KATNB1: variants seen among roughly 807,000 people sequenced by gnomAD.
The protein encoded by KATNB1 is katanin p80 WD40 repeat-containing subunit B1.
A neutral mutation model predicts 82.3 loss-of-function variants in KATNB1; 38 were observed. That is an observed-to-expected ratio of 0.46 (90% CI 0.36 to 0.61). KATNB1 has a LOEUF of 0.61. Among genes scored for constraint, KATNB1 ranks in the 20% least tolerant of loss-of-function variants. The pLI, the probability that KATNB1 is intolerant of heterozygous loss-of-function variation, is 0.00. For missense variants in KATNB1, 749 were observed against 915.7 expected (o/e 0.82, Z 2.35); for synonymous variants, 361 against 368.7 (o/e 0.98, Z 0.24).
In KATNB1 at chr16:57,755,871, G is replaced by C; in HGVS notation, c.1597G>C (p.Asp533His). The change falls in exon 17 of 20, where the codon GAC becomes CAC. Residue 533 changes from aspartate (D) to histidine (H), a missense_variant. By Grantham distance (81) the Asp-to-His change is moderately conservative. Transcript: ENST00000379661. Reference protein sequence around the residue: ...TSVDSAVAINDLSVVVDLLNI... With the variant: ...TSVDSAVAINHLSVVVDLLNI... ...GGTGGACTCCGCTGTGGCCATCAAC[G>C]ACCTGTCGGTGGTGGTGGACCTCCT... The C allele has an allele frequency of 6.3e-7, 1 of 1,594,976 alleles. No homozygotes were observed. The highest frequency in any genetic ancestry group is 8.6e-7 in the Non-Finnish European group (1 of 1,165,220).
In KATNB1 at chr16:57,741,854, G is replaced by A. The variant is rs781916426; in HGVS notation, c.171+37G>A. On this transcript the variant is annotated intron_variant, in intron 3 of 19. Coordinates refer to ENST00000379661, the MANE Select transcript of KATNB1 (RefSeq NM_005886.3). ...CAGCTGGCGGGGGGTCAGGACAAGG[G>A]CCTGGGGAGGGGACGGGGACAGGGG... 3.8e-6 allele frequency: 6 copies of A among 1,599,124 alleles called. No homozygotes were observed. In the East Asian group the frequency reaches 1.4e-4, roughly 36 times the overall value.
In KATNB1 at chr16:57,751,343, G is replaced by A. The variant is rs781855239; in HGVS notation, c.432+41G>A. The stretch of plus-strand genomic sequence containing the variant: ...GTCGGTGACTCCATGAGCACCTTGC[G>A]GGCATTGAGTGTGGTGTGGTGCCCA... On this transcript the variant is annotated intron_variant, in intron 6 of 19. Transcript: ENST00000379661. This position sits in a 1 kb window ranked among gnomAD's most constrained non-coding sequence, Gnocchi z 6.3. The A allele has an allele frequency of 2.3e-5, 36 of 1,596,008 alleles. No homozygotes were observed. Among genetic ancestry groups the A allele is most frequent in the Admixed American group, 6.7e-5 (4 of 59,942 alleles).
At position 57,737,171 on chromosome 16, in the gene KATNB1, G is replaced by GA; in HGVS notation, c.-72dup. The GA allele has an allele frequency of 3.2e-6, 5 of 1,574,370 alleles. No homozygotes were observed. The highest frequency in any genetic ancestry group is 4.4e-6 in the Non-Finnish European group (5 of 1,148,162). ...AACTTGATTGGTGGATCTGGGGGGG[G>GA]ATCCACCCCCACCCCACGAGGAAAG... On this transcript the variant is annotated 5_prime_UTR_variant, in exon 2 of 20. The change abolishes the stop of an existing upstream ORF in the 5' untranslated region. Coordinates refer to ENST00000379661, the MANE Select transcript of KATNB1 (RefSeq NM_005886.3).
At chr16:57,753,861 C>A in intron 12 of KATNB1, 84 bp from the exon 13 acceptor site, 1 of 1,307,886 alleles carries the variant, frequency 7.6e-7, no homozygotes, top group Non-Finnish European at 1.1e-6. Flanking sequence ...AGCTACCCTC[C>A]GTCCCCCGCA....
At chr16:57,752,418 C>T in intron 8 of KATNB1, 112 bp from the exon 9 acceptor site, 1 of 945,458 alleles carries the variant, frequency 1.1e-6, no homozygotes, top group Non-Finnish European at 1.6e-6. Flanking sequence ...GATGTTGCTC[C>T]TGGTGGCCCT....
intron 4 of KATNB1, among the ~76,000 whole-genome samples, chr16:57,747,344 G>A (rs1555581695): frequency 6.6e-6 from 1 of 152,186 alleles, no homozygotes; most frequent in East Asian, 1.9e-4. Flanking sequence ...GATTCTTCTG[G>A]GCCTCTCCTT....
At chr16:57,737,427 A>G (rs2148786722) in intron 2 of KATNB1, 144 bp downstream of exon 2, 1 of 897,118 alleles carries the variant, frequency 1.1e-6, no homozygotes, top group Non-Finnish European at 1.7e-6. Context: ...CATTATGTAA[A>G]TCATGACTGT....
intron 1 of KATNB1, chr16:57,736,718 A>G (rs1308397055): frequency 3.6e-6 from 1 of 279,964 alleles, no homozygotes; most frequent in Non-Finnish European, 7.2e-6. Flanking sequence ...CGGCTGCTGC[A>G]CTTTAGGCAG....
intron 2 of KATNB1, among the ~76,000 whole-genome samples, chr16:57,738,301 G>A (rs1481653686): frequency 6.6e-6 from 1 of 151,146 alleles, no homozygotes; most frequent in African/African-American, 2.4e-5. Flanking sequence ...TGTCACCCAG[G>A]CTGGAGTACA....
rs914278563 is a variant in KATNB1, at chr16:57,752,226, C to A, written c.632+171C>A. The A allele has an allele frequency of 4.6e-6, 3 of 650,190 alleles. No individual in the cohort carries two copies. In the Admixed American group the frequency reaches 6.7e-5, roughly 15 times the overall value. 40.3% of individuals were successfully genotyped at this position (650,190 alleles called of 1,614,324 possible). A position where few individuals can be genotyped will look rare whatever the true frequency, so the allele number is the denominator to read the frequency against. ...GCCAGGACTGGACCCTGGTCCATCT[C>A]CCCTGGCTCTGGTTCCCTGGCCCCA... is the stretch of plus-strand genomic sequence containing the variant. On this transcript the variant is annotated intron_variant, in intron 8 of 19. Coordinates refer to ENST00000379661, the MANE Select transcript of KATNB1 (RefSeq NM_005886.3).
Position 57,751,106 on chromosome 16 carries a change from GCCAGCTTTAGTGAGCAGTTTCTGT to G in KATNB1, c.391-152_391-129del, listed in dbSNP as rs2148794127. Among the ~76,000 whole-genome samples the G allele has an allele frequency of 6.6e-6, 1 of 152,316 alleles. No homozygotes were observed. The highest frequency in any genetic ancestry group is 1.5e-5 in the Non-Finnish European group (1 of 68,022). ...TCTGCCAGATGCTTCTGCTCAGAATGCCAGCTTTAGTGAGCAGTTTCTGTCCTTGTCTCCGTGGGGAGTAACGAC... is the reference window on the plus strand; with the variant it reads ...TCTGCCAGATGCTTCTGCTCAGAATGCCTTGTCTCCGTGGGGAGTAACGAC... On this transcript the variant is annotated intron_variant, in intron 5 of 19. Transcript: ENST00000379661. The surrounding 1 kb of genome is among the most constrained non-coding windows in gnomAD (Gnocchi z 6.3).
At position 57,752,885 on chromosome 16, in the gene KATNB1, A is replaced by G. The variant is rs2049240021; in HGVS notation, c.812A>G (p.Asn271Ser). ...PERCFDVVLVNWGKVADLAIC... is the reference protein window; with the variant it reads ...PERCFDVVLVSWGKVADLAIC... ...CGGTGCTTTGATGTGGTCCTCGTCA[A>G]CTGGGGCAAGGTGGCCGACCTGGCC... is the stretch of plus-strand genomic sequence containing the variant. Residue 271 changes from asparagine to serine, a missense_variant, in exon 10 of 20, where the codon AAC becomes AGC. Asn to Ser is a conservative substitution (Grantham distance 46). This residue lies in a region of KATNB1 where 407 missense variants were observed against 434.7 expected (regional missense o/e 0.94). Transcript: ENST00000379661. The G allele has an allele frequency of 3.7e-6, 6 of 1,607,398 alleles. No individual in the cohort carries two copies. Among genetic ancestry groups the G allele is most frequent in the Non-Finnish European group, 5.1e-6 (6 of 1,179,856 alleles).
In KATNB1 at chr16:57,753,111, C is replaced by T; in HGVS notation, c.890C>T (p.Ser297Phe). ...GCCTTCTCCCAGAGCAACGTCTCCT[C>T]CTACGTGGTGGATCTGACGCGTGTC... is the stretch of plus-strand genomic sequence containing the variant. ...GVAFSQSNVS[S>F]YVVDLTRVTR... The change falls in exon 11 of 20, where the codon TCC becomes TTC. Residue 297 changes from serine to phenylalanine, a missense_variant. By Grantham distance (155) the Ser-to-Phe change is radical. This residue lies in a region of KATNB1 where 407 missense variants were observed against 434.7 expected (regional missense o/e 0.94). Coordinates refer to ENST00000379661, the MANE Select transcript of KATNB1 (RefSeq NM_005886.3). 6.2e-7 allele frequency: 1 copy of T among 1,609,736 alleles called. No individual in the cohort carries two copies. Among genetic ancestry groups the T allele is most frequent in the Non-Finnish European group, 8.5e-7 (1 of 1,178,518 alleles).
intron 1 of KATNB1, chr16:57,736,719 C>CT (rs1329099980): frequency 7.1e-6 from 2 of 281,630 alleles, no homozygotes; most frequent in Admixed American, 8.8e-5. Context: ...GGCTGCTGCA[C>CT]TTTAGGCAGC....
chr16:57,756,654 G>T, intron 19 of KATNB1, 160 bp from the exon 20 acceptor site: 1 of 1,305,206 alleles, frequency 7.7e-7, no homozygotes, highest in Non-Finnish European at 1.0e-6. Flanking sequence ...CCATGGCCTG[G>T]CTGTGCCCAC....
At chr16:57,748,482 AAAAGG>A (rs1555582116) in intron 4 of KATNB1, among the ~76,000 whole-genome samples, 3 of 149,930 alleles carry the variant, frequency 2.0e-5, no homozygotes, top group Non-Finnish European at 3.0e-5. Context: ...AAAAAAAAAA[AAAAGG>A]AGAGAGAGAG....
chr16:57,737,171 G>A lies in KATNB1; in HGVS notation c.-73G>A. The A allele has an allele frequency of 4.4e-6, 7 of 1,574,370 alleles. No homozygotes were observed. The highest frequency in any genetic ancestry group is 1.1e-5 in the South Asian group (1 of 89,436). ...AACTTGATTGGTGGATCTGGGGGGGGATCCACCCCCACCCCACGAGGAAAG... is the reference window on the plus strand; with the variant it reads ...AACTTGATTGGTGGATCTGGGGGGGAATCCACCCCCACCCCACGAGGAAAG... On this transcript the variant is annotated 5_prime_UTR_variant, in exon 2 of 20. Coordinates refer to ENST00000379661, the MANE Select transcript of KATNB1 (RefSeq NM_005886.3).
intron 1 of KATNB1, chr16:57,736,741 A>T (rs1597821532): frequency 1.6e-5 from 5 of 310,534 alleles, no homozygotes; most frequent in South Asian, 1.4e-4. Flanking sequence ...AGCATCCCGG[A>T]ACAGAGCTGC....
chr16:57,736,915 C>A, intron 1 of KATNB1, 63 bp from the exon 2 acceptor site: 1 of 587,542 alleles, frequency 1.7e-6, no homozygotes, highest in South Asian at 1.5e-5. Context: ...CTTGGTGATC[C>A]AGGGAGCAAC....
Sources: gnomAD v4.1 joint callset for allele counts (sites outside exome capture counted in the v4.1 genomes callset) on GRCh38, gnomAD v4.1.1 for gene constraint, gnomAD v4.1.1 regional missense constraint, Gnocchi (gnomAD v3.1) non-coding constraint, MANE v1.5 for transcripts, NCBI Gene and HGNC (gene_info 2026-07-23, HGNC 2026-07-21) for gene names.